Variants in TRMT11 observed in about 807,000 individuals in gnomAD.
TRMT11 encodes the protein tRNA methyltransferase 11.
A neutral mutation model predicts 62.8 loss-of-function variants in TRMT11; 53 were observed. The ratio of observed to expected loss-of-function variants is 0.84; its 90% CI spans 0.68 to 1.06. The LOEUF is 1.06. TRMT11 is among the 50% of genes least tolerant of loss of function. The probability of loss-of-function intolerance (pLI) is 0.00; values close to 1 mark genes in which losing one functional copy is unlikely to be tolerated. For missense variants in TRMT11, 556 were observed against 553.4 expected, an observed-to-expected ratio of 1.00 and a Z score of -0.05; for synonymous variants, 188 against 190.3, an observed-to-expected ratio of 0.99 and a Z score of 0.10.
intron 17 of TRMT11, among the ~76,000 whole-genome samples, chr6:126,065,284 G>A (rs117157791): frequency 3.3e-5 from 5 of 152,078 alleles, no homozygotes; most frequent in South Asian, 2.1e-4. Flanking sequence ...CTTCTATCAC[G>A]TGTCCACTGC....
intron 17 of TRMT11, among the ~76,000 whole-genome samples, chr6:126,100,296 A>C (rs906139289): frequency 1.3e-5 from 2 of 152,142 alleles, no homozygotes; most frequent in African/African-American, 2.4e-5. Context: ...AGGCACTATG[A>C]GATTATGATT....
At chr6:126,187,900 A>G (rs1778544454) in intron 1 of TRMT11, among the ~76,000 whole-genome samples, 1 of 151,424 alleles carries the variant, frequency 6.6e-6, no homozygotes. Flanking sequence ...AGAAATGGCA[A>G]TGGAACAATT....
At chr6:126,271,363 C>CAAAAAAAAAAAAAAAAAAAAAAAAAAA in the TRMT11 span, among the ~76,000 whole-genome samples, 2 of 36,266 alleles carry the variant, frequency 5.5e-5, no homozygotes, top group Admixed American at 3.8e-4. Context: ...GACTCCATCT[C>CAAAAAAAAAAAAAAAAAAAAAAAAAAA]AAAAAAAAAA....
At chr6:126,236,784 T>C in the TRMT11 span, among the ~76,000 whole-genome samples, 121 of 152,298 alleles carry the variant, frequency 7.9e-4, no homozygotes, top group African/African-American at 2.7e-3. Context: ...ACAGCATTGA[T>C]TGGGGAGGGG....
At chr6:126,018,193 G>C (rs2127972057) in intron 11 of TRMT11, among the ~76,000 whole-genome samples, 1 of 152,186 alleles carries the variant, frequency 6.6e-6, no homozygotes, top group Middle Eastern at 3.4e-3. Flanking sequence ...CCCCAAAGTA[G>C]GACTTGGAAA....
At chr6:126,156,747 T>G (rs1778126820) in intron 21 of TRMT11, among the ~76,000 whole-genome samples, 1 of 152,114 alleles carries the variant, frequency 6.6e-6, no homozygotes, top group African/African-American at 2.4e-5. Context: ...TGCCACAAAC[T>G]TTTAAACAAC....
chr6:126,058,219 TC>T (rs915147852), intron 17 of TRMT11, among the ~76,000 whole-genome samples: 1 of 152,170 alleles, frequency 6.6e-6, no homozygotes, highest in African/African-American at 2.4e-5. Context: ...GGTTTTCTGT[TC>T]CTGTGTTAGT....
At chr6:126,120,072 G>A (rs1241527871) in intron 21 of TRMT11, among the ~76,000 whole-genome samples, 1 of 151,990 alleles carries the variant, frequency 6.6e-6, no homozygotes, top group African/African-American at 2.4e-5. Flanking sequence ...TCAGGAGTTC[G>A]AAACCAGCCT....
chr6:126,118,211 A>AAGTGGCTGCTACTGTGGAGAT (rs1777611905), intron 21 of TRMT11, among the ~76,000 whole-genome samples: 1 of 152,058 alleles, frequency 6.6e-6, no homozygotes, highest in Non-Finnish European at 1.5e-5. Flanking sequence ...TTGAACGATT[A>AAGTGGCTGCTACTGTGGAGAT]AGTGGCTGCT....
At chr6:126,003,848 T>G (rs1000189701) in intron 7 of TRMT11, among the ~76,000 whole-genome samples, 2 of 152,062 alleles carry the variant, frequency 1.3e-5, no homozygotes, top group African/African-American at 4.8e-5. Context: ...ATCTTTTGAC[T>G]TTGCTACTAA....
Position 126,179,936 on chromosome 6 carries a change from A to G in TRMT11, n.143+2601A>G, listed in dbSNP as rs549341247. ...ATTCATGCTTATTGAATTTTTTTCA[A>G]TTATAGATTATATCCAACTCTGTCA... On this transcript the variant is annotated intron_variant and non_coding_transcript_variant, in intron 1 of 3. Coordinates refer to the TRMT11 transcript ENST00000444229. Among the ~76,000 whole-genome samples, 6 of 152,302 alleles carry G rather than the reference A, an allele frequency of 3.9e-5. No individual in the cohort carries two copies. The South Asian group carries it at 1.0e-3, about 26-fold the overall frequency.
chr6:126,267,329 C>G, the TRMT11 span, among the ~76,000 whole-genome samples: 1 of 152,120 alleles, frequency 6.6e-6, no homozygotes, highest in Non-Finnish European at 1.5e-5. Flanking sequence ...TTGCAGGACT[C>G]TGTAAGTATT....
the TRMT11 span, among the ~76,000 whole-genome samples, chr6:126,257,134 C>T: frequency 1.3e-5 from 2 of 151,998 alleles, no homozygotes; most frequent in African/African-American, 2.4e-5. Context: ...GATCCACCCA[C>T]GTCAGCATCC....
At chr6:126,253,295 T>G in the TRMT11 span, among the ~76,000 whole-genome samples, 2 of 152,206 alleles carry the variant, frequency 1.3e-5, no homozygotes, top group Non-Finnish European at 2.9e-5. Flanking sequence ...CTCATGGAAC[T>G]GTCATCTTCT....
intron 16 of TRMT11, among the ~76,000 whole-genome samples, chr6:126,049,030 T>TA (rs537286537): frequency 3.4e-4 from 52 of 152,342 alleles, no homozygotes; most frequent in African/African-American, 1.2e-3. Flanking sequence ...AATCATGGGC[T>TA]ACAGTCAAGA....
chr6:126,214,729 T>C, the TRMT11 span, among the ~76,000 whole-genome samples: 2 of 151,990 alleles, frequency 1.3e-5, no homozygotes, highest in Admixed American at 6.6e-5. Context: ...TTCCATTTCA[T>C]TTATTTTCAC....
chr6:126,269,263 C>CAAAAA, the TRMT11 span, among the ~76,000 whole-genome samples: 330 of 68,792 alleles, frequency 4.8e-3, 8 homozygotes, highest in African/African-American at 0.019. Flanking sequence ...GACTCCGTCT[C>CAAAAA]AAAAAAAAAA....
At chr6:126,048,436 T>G (rs1776121299) in intron 16 of TRMT11, among the ~76,000 whole-genome samples, 2 of 152,182 alleles carry the variant, frequency 1.3e-5, no homozygotes, top group African/African-American at 4.8e-5. Context: ...AAGTAGAGAT[T>G]TGCAGATTGA....
chr6:126,207,358 A>G (rs1382627469), downstream of TRMT11, among the ~76,000 whole-genome samples: 1 of 152,238 alleles, frequency 6.6e-6, no homozygotes, highest in Admixed American at 6.5e-5. Context: ...TTAGTGGGAG[A>G]GAATAAGACT....
Sources: allele counts gnomAD v4.1 joint callset (sites outside exome capture counted in the v4.1 genomes callset), GRCh38; gene constraint gnomAD v4.1.1; transcripts MANE v1.5; gene names NCBI Gene and HGNC (gene_info 2026-07-23, HGNC 2026-07-21).